The following KITLG variants were observed in gnomAD, a reference collection of about 807,000 sequenced individuals.
KITLG encodes the protein KIT ligand, also known as c-Kit ligand.
In KITLG, 13 loss-of-function variants were observed where a neutral mutation model predicts 34.1. The ratio of observed to expected loss-of-function variants is 0.38; its 90% CI spans 0.25 to 0.61. KITLG has a LOEUF of 0.61. KITLG is among the 20% of genes least tolerant of loss of function. The probability of loss-of-function intolerance (pLI) is 0.60; values close to 1 mark genes in which losing one functional copy is unlikely to be tolerated. For synonymous variants in KITLG, 110 were observed against 104.0 expected (o/e 1.06, Z -0.35); for missense variants, 292 against 318.9 (o/e 0.92, Z 0.64).
chr12:88,515,554 T>C lies in KITLG; in HGVS notation c.584A>G (p.Asn195Ser). ...CTTACTATTACTGCTACTGCTGTCA[T>C]TCCTAAGGGAGCTGGCTGCAACAGG... is the stretch of plus-strand genomic sequence containing the variant. The part of the protein sequence containing the change: ...LPPVAASSLR[N>S]DSSSSNRKAK... The change falls in exon 6 of 10, where the codon AAT (asparagine) becomes AGT (serine). Residue 195 changes from asparagine to serine, a missense_variant. Asn to Ser is a conservative substitution (Grantham distance 46). Coordinates refer to ENST00000644744, the MANE Select transcript of KITLG (RefSeq NM_000899.5). 1.2e-6 allele frequency: 2 copies of C among 1,610,102 alleles called. No homozygotes were observed. The highest frequency in any genetic ancestry group is 2.2e-5 in the South Asian group (2 of 91,020).
intron 2 of KITLG, 110 bp from the exon 3 acceptor site, chr12:88,532,613 C>T (rs1180090867): frequency 2.7e-6 from 2 of 746,170 alleles, no homozygotes; most frequent in East Asian, 5.0e-5. Context: ...TTTAAAGTTA[C>T]CAATGAATTT....
At chr12:88,505,440 C>T (rs1039799333) in intron 8 of KITLG, among the ~76,000 whole-genome samples, 2 of 152,152 alleles carry the variant, frequency 1.3e-5, no homozygotes, top group South Asian at 4.1e-4. Context: ...GTAGTTAAAA[C>T]ATTTCTTTCT....
chr12:88,553,323 T>A (rs1217100782), intron 1 of KITLG, among the ~76,000 whole-genome samples: 1 of 152,186 alleles, frequency 6.6e-6, no homozygotes, highest in African/African-American at 2.4e-5. Context: ...GGTGCCTAAA[T>A]ATGTGGGTGT....
At chr12:88,510,887 A>G (rs1869251460) in intron 6 of KITLG, among the ~76,000 whole-genome samples, 1 of 152,164 alleles carries the variant, frequency 6.6e-6, no homozygotes, top group South Asian at 2.1e-4. Flanking sequence ...ACACCTAAAA[A>G]CATTTGCATA....
intron 1 of KITLG, among the ~76,000 whole-genome samples, chr12:88,573,927 G>C (rs772079534): frequency 6.6e-6 from 1 of 152,104 alleles, no homozygotes; most frequent in East Asian, 1.9e-4. Flanking sequence ...CACAGAAAAG[G>C]CTACCTTATT....
At chr12:88,515,512 T>C (rs1226202952) in intron 6 of KITLG, 22 bp downstream of exon 6, 3 of 1,514,650 alleles carry the variant, frequency 2.0e-6, no homozygotes, top group Non-Finnish European at 2.8e-6. Context: ...ATGCATGCAT[T>C]AAATCAGATA....
chr12:88,497,382 C>T (rs1868682794), intron 9 of KITLG, among the ~76,000 whole-genome samples: 1 of 152,172 alleles, frequency 6.6e-6, no homozygotes, highest in Non-Finnish European at 1.5e-5. Flanking sequence ...CTTGGTAACA[C>T]ATTATCTGAA....
At chr12:88,554,921 A>G (rs1035870791) in intron 1 of KITLG, among the ~76,000 whole-genome samples, 4 of 152,190 alleles carry the variant, frequency 2.6e-5, no homozygotes, top group Non-Finnish European at 4.4e-5. Flanking sequence ...TACCAGAGTA[A>G]CTAATTGAAA....
chr12:88,503,742 C>G (rs1868949570), intron 9 of KITLG, among the ~76,000 whole-genome samples: 1 of 152,174 alleles, frequency 6.6e-6, no homozygotes. Context: ...CGCAGACCCA[C>G]ACAGTCACAG....
intron 1 of KITLG, among the ~76,000 whole-genome samples, chr12:88,575,085 T>C (rs554197755): frequency 2.6e-5 from 4 of 152,338 alleles, no homozygotes; most frequent in Non-Finnish European, 5.9e-5. Flanking sequence ...TTAAATACCA[T>C]CTGGTTCAAA....
At chr12:88,499,733 T>C (rs1868780873) in intron 9 of KITLG, among the ~76,000 whole-genome samples, 1 of 152,204 alleles carries the variant, frequency 6.6e-6, no homozygotes, top group Non-Finnish European at 1.5e-5. Context: ...GTTCTGCCTG[T>C]GATGCCAAGT....
chr12:88,511,314 A>C (rs1242947141), intron 6 of KITLG, among the ~76,000 whole-genome samples: 2 of 152,230 alleles, frequency 1.3e-5, no homozygotes, highest in Non-Finnish European at 2.9e-5. Context: ...ATTAGTGAAC[A>C]GCAGTACAAA....
At chr12:88,502,846 G>A (rs1868914583) in intron 9 of KITLG, among the ~76,000 whole-genome samples, 1 of 151,840 alleles carries the variant, frequency 6.6e-6, no homozygotes, top group South Asian at 2.1e-4. Context: ...ACCATTTAAT[G>A]TGTGGTTTGT....
At chr12:88,543,242 C>G (rs1320559497) in intron 2 of KITLG, among the ~76,000 whole-genome samples, 1 of 152,080 alleles carries the variant, frequency 6.6e-6, no homozygotes, top group Non-Finnish European at 1.5e-5. Flanking sequence ...GGTATTTCTC[C>G]AAACGCTATC....
chr12:88,494,889 A>G lies in KITLG; in HGVS notation c.*2330T>C, dbSNP rs1158434304. On this transcript the variant is annotated 3_prime_UTR_variant, in exon 10 of 10. Coordinates refer to ENST00000644744, the MANE Select transcript of KITLG (RefSeq NM_000899.5). ...CACATCTGGGATAAAATAAGCAAAG[A>G]TAAATATATATTTTCATCTCAAAGC... The G allele has an allele frequency of 6.6e-6, 1 of 152,048 alleles. No homozygotes were observed. Among genetic ancestry groups the G allele is most frequent in the Non-Finnish European group, 1.5e-5 (1 of 67,940 alleles). 9.4% of individuals were successfully genotyped at this position (152,048 alleles called of 1,614,324 possible). A position where few individuals can be genotyped will look rare whatever the true frequency, so the allele number is the denominator to read the frequency against.
At chr12:88,563,060 A>C (rs1871344374) in intron 1 of KITLG, among the ~76,000 whole-genome samples, 1 of 152,234 alleles carries the variant, frequency 6.6e-6, no homozygotes, top group South Asian at 2.1e-4. Flanking sequence ...ATACTGCTTT[A>C]TTTAGAATTT....
intron 1 of KITLG, among the ~76,000 whole-genome samples, chr12:88,574,758 AG>A (rs1871775153): frequency 6.6e-6 from 1 of 152,230 alleles, no homozygotes; most frequent in South Asian, 2.1e-4. Context: ...AATACAGGGA[AG>A]CATTACCTTT....
At chr12:88,502,413 C>G (rs1299509800) in intron 9 of KITLG, among the ~76,000 whole-genome samples, 1 of 152,202 alleles carries the variant, frequency 6.6e-6, no homozygotes, top group East Asian at 1.9e-4. Context: ...AAAACAAACC[C>G]TACTTCAGAA....
chr12:88,515,928 G>A (rs1199831668), intron 5 of KITLG, among the ~76,000 whole-genome samples: 1 of 151,660 alleles, frequency 6.6e-6, no homozygotes, highest in African/African-American at 2.4e-5. Context: ...ACCCAGTGAA[G>A]GGAAAAAAGA....
Sources: allele counts gnomAD v4.1 joint callset (sites outside exome capture counted in the v4.1 genomes callset), GRCh38; gene constraint gnomAD v4.1.1; transcripts MANE v1.5; gene names NCBI Gene and HGNC (gene_info 2026-07-23, HGNC 2026-07-21).